AKAP6: variants seen among roughly 807,000 people sequenced by gnomAD.
AKAP6 encodes the protein A-kinase anchor protein 6.
In AKAP6, 58 loss-of-function variants were observed where a neutral mutation model predicts 188.5. The ratio of observed to expected loss-of-function variants is 0.31; its 90% confidence interval spans 0.25 to 0.38. The LOEUF (loss-of-function observed/expected upper bound fraction) is 0.38. AKAP6 is among the 10% of genes least tolerant of loss of function. The probability of loss-of-function intolerance (pLI) is 1.00; values close to 1 mark genes in which losing one functional copy is unlikely to be tolerated. For synonymous variants in AKAP6, 989 were observed against 998.6 expected, an observed-to-expected ratio of 0.99 and a Z score of 0.18; for missense variants, 2,710 against 2,740.0, an observed-to-expected ratio of 0.99 and a Z score of 0.24.
Position 32,823,138 on chromosome 14 carries a change from C to T in AKAP6, c.5325C>T (p.Asp1775=), listed in dbSNP as rs373861263. The change falls in exon 13 of 14, where the codon GAC becomes GAT. Residue 1775 remains aspartate (D), a synonymous_variant. Transcript: ENST00000280979. ...AGCTGTGCATCAAAGATGAGGATGA[C>T]GACTCCAGTATTGCAACAGATGATG... The part of the protein sequence containing the change: ...EEELCIKDED[D]DSSIATDDEI... The T allele has an allele frequency of 3.5e-5, 57 of 1,613,556 alleles. No homozygotes were observed. Among genetic ancestry groups the T allele is most frequent in the South Asian group, 2.0e-4 (18 of 91,074 alleles).
chr14:32,779,654 C>G (rs1334902679), intron 12 of AKAP6, among the ~76,000 whole-genome samples: 1 of 152,012 alleles, frequency 6.6e-6, no homozygotes, highest in Admixed American at 6.6e-5. Flanking sequence ...TAAAACAGAG[C>G]TTTAAAATAC....
At chr14:32,439,025 C>T (rs998408565) in intron 2 of AKAP6, 1 of 152,170 alleles carries the variant, frequency 6.6e-6, no homozygotes, top group African/African-American at 2.4e-5. Flanking sequence ...ATCAGCTCCC[C>T]CAAAACCCAC....
chr14:32,753,991 A>G (rs1055231347), intron 11 of AKAP6, among the ~76,000 whole-genome samples: 1 of 151,836 alleles, frequency 6.6e-6, no homozygotes, highest in Non-Finnish European at 1.5e-5. Context: ...GCTTAATATT[A>G]TTTTGGCTCT....
intron 9 of AKAP6, among the ~76,000 whole-genome samples, chr14:32,722,402 A>T (rs2030591287): frequency 6.6e-6 from 1 of 152,132 alleles, no homozygotes. Flanking sequence ...TATGGACAGG[A>T]AGCAGGGAAA....
At chr14:32,357,749 G>A (rs1887529187) in intron 1 of AKAP6, among the ~76,000 whole-genome samples, 1 of 152,196 alleles carries the variant, frequency 6.6e-6, no homozygotes, top group Non-Finnish European at 1.5e-5. Flanking sequence ...AATTGGAATA[G>A]GGTACTTTCA....
intron 5 of AKAP6, among the ~76,000 whole-genome samples, chr14:32,588,939 C>G (rs1218533639): frequency 6.6e-6 from 1 of 152,150 alleles, no homozygotes. Flanking sequence ...GAAAATTTCC[C>G]CAAATACTTT....
At chr14:32,694,323 T>C (rs1481246960) in intron 8 of AKAP6, among the ~76,000 whole-genome samples, 1 of 147,754 alleles carries the variant, frequency 6.8e-6, no homozygotes, top group Non-Finnish European at 1.5e-5. Flanking sequence ...ATTGTGCCAC[T>C]GCACTTCAGC....
chr14:32,765,596 T>G (rs2032689922), intron 11 of AKAP6, among the ~76,000 whole-genome samples: 1 of 152,168 alleles, frequency 6.6e-6, no homozygotes, highest in East Asian at 1.9e-4. Context: ...TGCATTATTT[T>G]TATCATACAG....
At chr14:32,600,601 C>T in intron 6 of AKAP6, 28 bp from the exon 7 acceptor site, 1 of 1,574,044 alleles carries the variant, frequency 6.4e-7, no homozygotes. Context: ...AGGCCCACAA[C>T]TTCTGCTTTC....
chr14:32,731,314 G>A (rs2031164940), intron 9 of AKAP6, among the ~76,000 whole-genome samples: 1 of 152,028 alleles, frequency 6.6e-6, no homozygotes, highest in African/African-American at 2.4e-5. Flanking sequence ...GCTTCCAATT[G>A]TATTTTTGTT....
At chr14:32,636,263 T>G (rs1887482544) in intron 7 of AKAP6, among the ~76,000 whole-genome samples, 1 of 152,136 alleles carries the variant, frequency 6.6e-6, no homozygotes. Context: ...AAATGATGTC[T>G]GTTTTACTCC....
chr14:32,692,599 G>A (rs143653961), intron 8 of AKAP6, among the ~76,000 whole-genome samples: 3 of 152,264 alleles, frequency 2.0e-5, no homozygotes, highest in African/African-American at 7.2e-5. Flanking sequence ...GGTCTTTGGC[G>A]ATGAGATACT....
At chr14:32,348,415 TTC>T (rs1235769817) in intron 1 of AKAP6, among the ~76,000 whole-genome samples, 969 of 74,960 alleles carry the variant, frequency 0.013, 19 homozygotes, top group African/African-American at 0.056. Flanking sequence ...TTTCTTTTGT[TTC>T]TTTTTTTTTT....
chr14:32,460,824 A>C (rs1239907515), intron 2 of AKAP6, among the ~76,000 whole-genome samples: 1 of 152,212 alleles, frequency 6.6e-6, no homozygotes, highest in Non-Finnish European at 1.5e-5. Context: ...CACTGGCTTG[A>C]AATTCTTGCT....
In AKAP6 at chr14:32,417,072, T is replaced by C. The variant is rs991653087; in HGVS notation, c.-34-16388T>C. 2.6e-5 allele frequency among the ~76,000 whole-genome samples: 4 copies of C among 151,838 alleles called. No individual in the cohort carries two copies. The East Asian group carries it at 7.8e-4, about 30-fold the overall frequency. ...TGCTAGGCTGGTCTCGAGCTCCTGT[T>C]TTCAAATGATCTGCCCGCCTCACCT... On this transcript the variant is annotated intron_variant, in intron 1 of 13. Transcript: ENST00000280979.
chr14:32,556,175 T>C (rs1883678370), intron 4 of AKAP6, among the ~76,000 whole-genome samples: 1 of 152,170 alleles, frequency 6.6e-6, no homozygotes, highest in South Asian at 2.1e-4. Flanking sequence ...GATAGATCAT[T>C]GTGGTTTTGA....
At chr14:32,829,385 A>G (rs1253575856) in intron 13 of AKAP6, among the ~76,000 whole-genome samples, 1 of 152,196 alleles carries the variant, frequency 6.6e-6, no homozygotes, top group African/African-American at 2.4e-5. Flanking sequence ...TCATGCATAA[A>G]ATCACTGCAG....
intron 2 of AKAP6, among the ~76,000 whole-genome samples, chr14:32,508,425 T>C (rs922457865): frequency 1.3e-5 from 2 of 152,158 alleles, no homozygotes; most frequent in African/African-American, 4.8e-5. Context: ...ATGTTGATCA[T>C]CAAAACTATG....
At chr14:32,669,615 G>A (rs967885711) in intron 7 of AKAP6, among the ~76,000 whole-genome samples, 1 of 152,140 alleles carries the variant, frequency 6.6e-6, no homozygotes, top group African/African-American at 2.4e-5. Flanking sequence ...ATATTTCCAA[G>A]TGTATTCATC....
Sources: gnomAD v4.1 joint callset for allele counts (sites outside exome capture counted in the v4.1 genomes callset) on GRCh38, gnomAD v4.1.1 for gene constraint, MANE v1.5 for transcripts, NCBI Gene and HGNC (gene_info 2026-07-23, HGNC 2026-07-21) for gene names.